The following COL5A2 variants were observed in gnomAD, a reference collection of about 807,000 sequenced individuals.
The protein encoded by COL5A2 is collagen type V alpha 2 chain, also known as collagen alpha-2(V) chain.
A neutral mutation model predicts 208.2 loss-of-function variants in COL5A2; 23 were observed. The ratio of observed to expected loss-of-function variants is 0.11; its 90% CI spans 0.08 to 0.16. The LOEUF (loss-of-function observed/expected upper bound fraction) is 0.16. Ranked by LOEUF, COL5A2 falls within the 10% of genes least tolerant of loss-of-function variation. The pLI, the probability that COL5A2 is intolerant of heterozygous loss-of-function variation, is 1.00. For synonymous variants in COL5A2, 625 were observed against 628.5 expected (o/e 0.99, Z 0.08); for missense variants, 1,590 against 1,956.4 (o/e 0.81, Z 3.53).
chr2:189,347,359 C>A, the COL5A2 span, among the ~76,000 whole-genome samples: 13 of 151,642 alleles, frequency 8.6e-5, no homozygotes, highest in East Asian at 1.4e-3. Context: ...TGATTAGGAA[C>A]AGAAAGCAGA....
At chr2:189,144,316 G>C (rs1687996401) in intron 1 of COL5A2, among the ~76,000 whole-genome samples, 1 of 152,120 alleles carries the variant, frequency 6.6e-6, no homozygotes, top group Admixed American at 6.6e-5. Context: ...GTTTTACCTA[G>C]TTAGGAGAGT....
In COL5A2 at chr2:189,106,322, A is replaced by C. The variant is rs560875758; in HGVS notation, c.323-2045T>G. 7.9e-4 allele frequency among the ~76,000 whole-genome samples: 120 copies of C among 151,512 alleles called. No individual in the cohort carries two copies. The South Asian group carries it at 0.01, about 13-fold the overall frequency. The stretch of plus-strand genomic sequence containing the variant: ...TTAAAAAATTTTCATCAGATCTCAT[A>C]CATTTTGTGTTAAGTTATCCTTAAG... On this transcript the variant is annotated intron_variant, in intron 2 of 53. Transcript: ENST00000374866.
the COL5A2 span, among the ~76,000 whole-genome samples, chr2:189,238,841 C>T: frequency 2.4e-4 from 36 of 152,112 alleles, no homozygotes; most frequent in African/African-American, 7.7e-4. Context: ...TCCCTTGACA[C>T]GTGGGGATTA....
In COL5A2 at chr2:189,050,615, G is replaced by A. The variant is rs863223494; in HGVS notation, c.2993C>T (p.Pro998Leu). ...TTGQRGIVGM[P>L]GQRGERGMPG... ...CATGCCTCTCTCTCCACGTTGCCCA[G>A]GCATGCCAACAATTCCTCTCTGCCC... Residue 998 changes from proline to leucine, a missense_variant, in exon 43 of 54, where the codon CCT becomes CTT. Physicochemically the swap from Pro to Leu is moderately conservative, Grantham distance 98. Transcript: ENST00000374866. 1.3e-6 allele frequency: 2 copies of A among 1,552,498 alleles called. No individual in the cohort carries two copies. The highest frequency in any genetic ancestry group is 1.4e-5 in the African/African-American group (1 of 73,186).
intron 1 of COL5A2, among the ~76,000 whole-genome samples, chr2:189,116,451 C>A (rs1687392704): frequency 6.6e-6 from 1 of 152,168 alleles, no homozygotes; most frequent in South Asian, 2.1e-4. Context: ...ATTCCACATT[C>A]CTCATTTTGC....
chr2:189,136,441 G>A (rs181557820), intron 1 of COL5A2, among the ~76,000 whole-genome samples: 4 of 149,870 alleles, frequency 2.7e-5, no homozygotes, highest in South Asian at 2.1e-4. Flanking sequence ...ACACAGGTGT[G>A]GTTACACAGG....
At chr2:189,168,006 C>T (rs1042540507) in intron 1 of COL5A2, among the ~76,000 whole-genome samples, 17 of 149,476 alleles carry the variant, frequency 1.1e-4, no homozygotes, top group Non-Finnish European at 1.6e-4. Flanking sequence ...GGCGCCATCT[C>T]GGCTCACCGC....
At chr2:189,303,500 A>AAT in the COL5A2 span, among the ~76,000 whole-genome samples, 1 of 152,186 alleles carries the variant, frequency 6.6e-6, no homozygotes, top group Non-Finnish European at 1.5e-5. Context: ...GAACATGACT[A>AAT]ATATTCCATA....
At chr2:189,438,533 A>G in the COL5A2 span, among the ~76,000 whole-genome samples, 2 of 152,238 alleles carry the variant, frequency 1.3e-5, no homozygotes, top group Non-Finnish European at 2.9e-5. Context: ...ACTGATGCAC[A>G]TAACATAAAT....
the COL5A2 span, among the ~76,000 whole-genome samples, chr2:189,417,107 C>A: frequency 6.6e-6 from 1 of 152,116 alleles, no homozygotes. Flanking sequence ...CATCTTTCCC[C>A]TAAATTTTAA....
chr2:189,176,843 C>T (rs1477594139), intron 1 of COL5A2, among the ~76,000 whole-genome samples: 2 of 152,054 alleles, frequency 1.3e-5, no homozygotes, highest in African/African-American at 2.4e-5. Context: ...ATTTTTGTTA[C>T]GTTAGTTTTA....
chr2:189,331,399 T>C, the COL5A2 span, among the ~76,000 whole-genome samples: 16 of 152,094 alleles, frequency 1.1e-4, no homozygotes, highest in African/African-American at 3.1e-4. Flanking sequence ...CATGGTGGTG[T>C]GTGCCTGTAA....
At chr2:189,264,391 C>T in the COL5A2 span, among the ~76,000 whole-genome samples, 1 of 152,016 alleles carries the variant, frequency 6.6e-6, no homozygotes, top group East Asian at 1.9e-4. Flanking sequence ...TAAACTACAG[C>T]TTTTTGAAGC....
At chr2:189,308,888 T>C in the COL5A2 span, among the ~76,000 whole-genome samples, 1 of 152,166 alleles carries the variant, frequency 6.6e-6, no homozygotes, top group Admixed American at 6.5e-5. Flanking sequence ...CCTGACCACC[T>C]TGGGCACATG....
At chr2:189,245,481 A>AT in the COL5A2 span, among the ~76,000 whole-genome samples, 1 of 123,608 alleles carries the variant, frequency 8.1e-6, no homozygotes. Context: ...GTATACTCAA[A>AT]ATTTTTTTTT....
the COL5A2 span, among the ~76,000 whole-genome samples, chr2:189,303,909 G>C: frequency 1.3e-5 from 2 of 152,040 alleles, no homozygotes; most frequent in African/African-American, 4.8e-5. Flanking sequence ...GTCATGAATC[G>C]TTCTTTGCTC....
the COL5A2 span, among the ~76,000 whole-genome samples, chr2:189,251,287 T>TG: frequency 6.6e-6 from 1 of 152,110 alleles, no homozygotes; most frequent in Non-Finnish European, 1.5e-5. Flanking sequence ...ATCAAGATCA[T>TG]GGGGGAGGAA....
At chr2:189,422,939 C>T in the COL5A2 span, among the ~76,000 whole-genome samples, 2 of 150,920 alleles carry the variant, frequency 1.3e-5, no homozygotes, top group Non-Finnish European at 2.9e-5. Context: ...AGGAGAATTG[C>T]TTGAACCTGG....
the COL5A2 span, among the ~76,000 whole-genome samples, chr2:189,257,673 A>G: frequency 6.6e-6 from 1 of 152,206 alleles, no homozygotes; most frequent in African/African-American, 2.4e-5. Context: ...AGAAAGAAAA[A>G]TAAGATACCT....
Sources: allele counts gnomAD v4.1 joint callset (sites outside exome capture counted in the v4.1 genomes callset), GRCh38; gene constraint gnomAD v4.1.1; transcripts MANE v1.5; gene names NCBI Gene and HGNC (gene_info 2026-07-23, HGNC 2026-07-21).